Variants in PRMT3 observed in about 807,000 individuals in gnomAD.
PRMT3 encodes the protein protein arginine methyltransferase 3, also known as protein arginine N-methyltransferase 3.
In PRMT3, 62 loss-of-function variants were observed where a neutral mutation model predicts 71.9. The observed-to-expected ratio is 0.86, with a 90% CI of 0.70 to 1.07. The LOEUF (loss-of-function observed/expected upper bound fraction) is 1.07, where lower values mean the gene tolerates loss of function less well. PRMT3 is among the 50% of genes least tolerant of loss of function. The pLI, the probability that PRMT3 is intolerant of heterozygous loss-of-function variation, is 0.00. For missense variants in PRMT3, 663 were observed against 643.0 expected, an observed-to-expected ratio of 1.03 and a Z score of -0.34; for synonymous variants, 213 against 220.4, an observed-to-expected ratio of 0.97 and a Z score of 0.30.
chr11:20,393,882 T>C (rs1848769434), intron 5 of PRMT3: 1 of 152,246 alleles, frequency 6.6e-6, no homozygotes. Context: ...GAAAATACAG[T>C]ATACCAGCCT....
At chr11:20,440,455 C>G (rs755805576) in intron 10 of PRMT3, among the ~76,000 whole-genome samples, 6 of 130,776 alleles carry the variant, frequency 4.6e-5, no homozygotes, top group Non-Finnish European at 7.8e-5. Context: ...ACCATCCTGG[C>G]TAACACGGTG....
intron 13 of PRMT3, among the ~76,000 whole-genome samples, chr11:20,477,998 T>G (rs1487511385): frequency 1.3e-5 from 2 of 152,202 alleles, no homozygotes; most frequent in Admixed American, 1.3e-4. Context: ...TTCTTGTGAC[T>G]GTGGCATTTT....
At chr11:20,448,511 T>G (rs1387710753) in intron 10 of PRMT3, among the ~76,000 whole-genome samples, 1 of 152,140 alleles carries the variant, frequency 6.6e-6, no homozygotes, top group African/African-American at 2.4e-5. Context: ...TTATTGAGTC[T>G]TTGTCATCAT....
At chr11:20,397,797 C>G in intron 7 of PRMT3, 76 bp downstream of exon 7, 1 of 1,489,174 alleles carries the variant, frequency 6.7e-7, no homozygotes, top group South Asian at 1.3e-5. Flanking sequence ...TATATGTGTG[C>G]ACTATAGGAG....
At chr11:20,429,984 A>G (rs1055248848) in intron 10 of PRMT3, among the ~76,000 whole-genome samples, 21 of 152,050 alleles carry the variant, frequency 1.4e-4, no homozygotes, top group African/African-American at 5.1e-4. Flanking sequence ...AACATCAATT[A>G]CATAATTAAA....
At position 20,508,399 on chromosome 11, in the gene PRMT3, T is replaced by TA. The variant is rs769682795; in HGVS notation, c.1583dup (p.Tyr528Ter). 1.1e-5 allele frequency: 18 copies of TA among 1,602,604 alleles called. No individual in the cohort carries two copies. Among genetic ancestry groups the TA allele is most frequent in the Admixed American group, 3.3e-5 (2 of 59,980 alleles). ...CACGTTGAATAATTCAACTCAAACT[T>TA]ATGGTCTCCAGTGAAACAGCCATAA... ...TLTLNNSTQTYGLQ is the reference protein window; with the variant it reads ...TLTLNNSTQT The change falls in exon 16 of 16, where the codon TAT becomes TAAT. Residue 528 changes from tyrosine to a stop codon, truncating the protein, a stop_gained and frameshift_variant. Coordinates refer to ENST00000331079, the MANE Select transcript of PRMT3 (RefSeq NM_005788.4). LOFTEE classifies it high-confidence loss of function.
At chr11:20,430,268 C>A (rs377721804) in intron 10 of PRMT3, among the ~76,000 whole-genome samples, 1 of 152,048 alleles carries the variant, frequency 6.6e-6, no homozygotes, top group African/African-American at 2.4e-5. Context: ...ATAGAATATA[C>A]CCTCCAGAAT....
chr11:20,461,747 A>T (rs1244831386), intron 11 of PRMT3, among the ~76,000 whole-genome samples: 1 of 152,174 alleles, frequency 6.6e-6, no homozygotes, highest in African/African-American at 2.4e-5. Context: ...TTTTAATTCA[A>T]ACCCTATCAT....
At chr11:20,507,975 A>G (rs1851633303) in intron 15 of PRMT3, among the ~76,000 whole-genome samples, 1 of 151,776 alleles carries the variant, frequency 6.6e-6, no homozygotes, top group African/African-American at 2.4e-5. Context: ...GCATGGTGGC[A>G]TGCGCCTGTA....
At chr11:20,463,483 G>T (rs780334490) in intron 12 of PRMT3, among the ~76,000 whole-genome samples, 1 of 152,068 alleles carries the variant, frequency 6.6e-6, no homozygotes, top group Non-Finnish European at 1.5e-5. Context: ...TCTCTCTAGT[G>T]ATCTCTGCTT....
intron 10 of PRMT3, among the ~76,000 whole-genome samples, chr11:20,439,615 G>A (rs1282350678): frequency 3.3e-5 from 5 of 152,174 alleles, no homozygotes; most frequent in Non-Finnish European, 7.3e-5. Context: ...TAGTATTGGG[G>A]GAGGTGTCCA....
chr11:20,417,534 A>G (rs564767577), intron 9 of PRMT3, among the ~76,000 whole-genome samples: 3 of 152,284 alleles, frequency 2.0e-5, no homozygotes, highest in African/African-American at 7.2e-5. Context: ...CTTAGAACAT[A>G]GACCGTATCT....
Position 20,397,728 on chromosome 11 carries a change from A to G in PRMT3, c.705+7A>G, listed in dbSNP as rs1848858688. Reference sequence around the variant, plus strand: ...ACATGAAGAAATGCTAAAGGTTAGAAAAGAACACAAATGCGTCAAATCCAT... The same window carrying G: ...ACATGAAGAAATGCTAAAGGTTAGAGAAGAACACAAATGCGTCAAATCCAT... On this transcript the variant is annotated splice_region_variant and intron_variant, in intron 7 of 15. Transcript: ENST00000331079. The G allele has an allele frequency of 1.2e-6, 2 of 1,613,012 alleles. No homozygotes were observed. The highest frequency in any genetic ancestry group is 8.5e-7 in the Non-Finnish European group (1 of 1,179,634).
chr11:20,426,612 A>G (rs1465050609), intron 9 of PRMT3, among the ~76,000 whole-genome samples, 154 bp from the exon 10 acceptor site: 1 of 152,238 alleles, frequency 6.6e-6, no homozygotes, highest in Non-Finnish European at 1.5e-5. Flanking sequence ...TGGAGTAACC[A>G]TAAAATAATT....
chr11:20,476,491 G>A (rs1023883958), intron 13 of PRMT3, among the ~76,000 whole-genome samples: 2 of 152,140 alleles, frequency 1.3e-5, no homozygotes, highest in Non-Finnish European at 2.9e-5. Context: ...TGTGGTACTG[G>A]GTTTCTGGAG....
intron 9 of PRMT3, among the ~76,000 whole-genome samples, chr11:20,416,412 C>G (rs1849306002): frequency 6.6e-6 from 1 of 152,194 alleles, no homozygotes; most frequent in Non-Finnish European, 1.5e-5. Context: ...GTAAACTTTA[C>G]TAAAATATCA....
intron 12 of PRMT3, 126 bp downstream of exon 12, chr11:20,462,293 C>A (rs2133402160): frequency 1.4e-6 from 1 of 712,840 alleles, no homozygotes; most frequent in Non-Finnish European, 2.2e-6. Context: ...TGTAATCAGT[C>A]TAAAACAAAT....
At chr11:20,412,144 T>C (rs977013831) in intron 9 of PRMT3, among the ~76,000 whole-genome samples, 2 of 152,178 alleles carry the variant, frequency 1.3e-5, no homozygotes, top group African/African-American at 4.8e-5. Context: ...TTCCTAGTTT[T>C]CTTTTCAGAT....
At chr11:20,411,799 A>G (rs2133329136) in intron 9 of PRMT3, among the ~76,000 whole-genome samples, 1 of 152,292 alleles carries the variant, frequency 6.6e-6, no homozygotes, top group South Asian at 2.1e-4. Flanking sequence ...AAATAGTTTT[A>G]AAACATTGCA....
Sources: allele counts gnomAD v4.1 joint callset (sites outside exome capture counted in the v4.1 genomes callset), GRCh38; gene constraint gnomAD v4.1.1; transcripts MANE v1.5; gene names NCBI Gene and HGNC (gene_info 2026-07-23, HGNC 2026-07-21).